PCDH15: variants seen among roughly 807,000 people sequenced by gnomAD.
The protein encoded by PCDH15 is protocadherin-15.
PCDH15 carries 129 observed loss-of-function variants against 178.5 expected under a neutral mutation model. The ratio of observed to expected loss-of-function variants is 0.72; its 90% confidence interval spans 0.63 to 0.84. The LOEUF is 0.84. Ranked by LOEUF, PCDH15 falls within the 40% of genes least tolerant of loss-of-function variation. The pLI is 0.00. For synonymous variants in PCDH15, 800 were observed against 732.0 expected, an observed-to-expected ratio of 1.09 and a Z score of -1.50; for missense variants, 2,230 against 2,099.9, an observed-to-expected ratio of 1.06 and a Z score of -1.21.
chr10:55,621,978 G>A (rs1206910526), intron 2 of PCDH15, among the ~76,000 whole-genome samples: 4 of 141,244 alleles, frequency 2.8e-5, no homozygotes, highest in Middle Eastern at 4.0e-3. Flanking sequence ...ATATACTCTC[G>A]TTCTCTCTCT....
chr10:54,847,355 C>G (rs949955632), intron 3 of PCDH15, among the ~76,000 whole-genome samples: 1 of 151,974 alleles, frequency 6.6e-6, no homozygotes, highest in Non-Finnish European at 1.5e-5. Context: ...TATACTGTAG[C>G]CTTAATATGT....
intron 2 of PCDH15, among the ~76,000 whole-genome samples, chr10:55,004,304 C>T (rs368462972): frequency 1.1e-4 from 16 of 152,228 alleles, no homozygotes; most frequent in Middle Eastern, 3.4e-3. Context: ...AGATTTCTCA[C>T]GATTGAGAAA....
At chr10:54,950,475 C>T (rs1376713097) in intron 2 of PCDH15, among the ~76,000 whole-genome samples, 1 of 152,036 alleles carries the variant, frequency 6.6e-6, no homozygotes, top group African/African-American at 2.4e-5. Context: ...CAAGCTCTCA[C>T]TTTGCCTGCT....
intron 3 of PCDH15, among the ~76,000 whole-genome samples, chr10:54,837,167 T>G (rs1425083004): frequency 6.6e-6 from 1 of 152,022 alleles, no homozygotes; most frequent in Non-Finnish European, 1.5e-5. Context: ...ATCTTGAAAG[T>G]TTTTCAAAGT....
intron 28 of PCDH15, among the ~76,000 whole-genome samples, chr10:53,852,237 T>G (rs1450232527): frequency 1.3e-5 from 2 of 152,058 alleles, no homozygotes; most frequent in African/African-American, 4.8e-5. Flanking sequence ...TAGTTACGTG[T>G]CCCTACTGTT....
chr10:54,115,178 T>C (rs2095092219), intron 15 of PCDH15, among the ~76,000 whole-genome samples: 1 of 152,084 alleles, frequency 6.6e-6, no homozygotes, highest in Admixed American at 6.5e-5. Flanking sequence ...CCAAATTTAT[T>C]GATTCATTGG....
intron 26 of PCDH15, among the ~76,000 whole-genome samples, chr10:53,897,258 T>C (rs1456723532): frequency 6.6e-6 from 1 of 152,148 alleles, no homozygotes; most frequent in Non-Finnish European, 1.5e-5. Flanking sequence ...ATCACTCCCA[T>C]ATTGTTGCAA....
At chr10:54,421,894 AC>A (rs1163704827) in intron 3 of PCDH15, among the ~76,000 whole-genome samples, 4 of 64,190 alleles carry the variant, frequency 6.2e-5, no homozygotes, top group African/African-American at 1.1e-4. Flanking sequence ...ACACACACAC[AC>A]TATATATATA....
At chr10:55,390,111 A>G (rs899681037) in intron 2 of PCDH15, among the ~76,000 whole-genome samples, 3 of 152,172 alleles carry the variant, frequency 2.0e-5, no homozygotes, top group Non-Finnish European at 2.9e-5. Flanking sequence ...TAAGCAAGTC[A>G]CATGAGTTTT....
intron 2 of PCDH15, among the ~76,000 whole-genome samples, chr10:55,510,917 G>C (rs1478365786): frequency 6.6e-6 from 1 of 151,178 alleles, no homozygotes; most frequent in Non-Finnish European, 1.5e-5. Context: ...CTGGAGTGCA[G>C]TGGAGTGATC....
chr10:54,346,312 C>T (rs1275758217), intron 6 of PCDH15, 53 bp downstream of exon 6: 2 of 1,556,834 alleles, frequency 1.3e-6, no homozygotes, highest in Non-Finnish European at 1.8e-6. Flanking sequence ...CTGAAAAAAT[C>T]ATTAATTTTA....
intron 1 of PCDH15, among the ~76,000 whole-genome samples, chr10:54,710,455 G>A (rs924427388): frequency 1.3e-5 from 2 of 151,946 alleles, no homozygotes; most frequent in African/African-American, 4.8e-5. Context: ...TCAAGACTAT[G>A]TTGCCCACCA....
intron 5 of PCDH15, among the ~76,000 whole-genome samples, chr10:54,348,398 G>A (rs1050602654): frequency 2.0e-5 from 3 of 152,124 alleles, no homozygotes; most frequent in East Asian, 1.9e-4. Context: ...TGAGGACATC[G>A]AGGGACCACT....
chr10:54,674,614 G>A (rs2094746889), intron 1 of PCDH15, among the ~76,000 whole-genome samples: 1 of 152,074 alleles, frequency 6.6e-6, no homozygotes, highest in South Asian at 2.1e-4. Context: ...CTGGCACAAT[G>A]TGAAGATGGA....
chr10:54,744,837 C>T (rs1932601), intron 1 of PCDH15, among the ~76,000 whole-genome samples: 134,789 of 152,120 alleles, frequency 0.89, 59,816 homozygotes, highest in East Asian at 1. Context: ...CAGCAATCCA[C>T]GTAAACAGAC....
In PCDH15 at chr10:55,289,734, A is replaced by T. The variant is rs75684675; in HGVS notation, c.-156+29865T>A. ...GTTTGAATGTATCCCCCAACAGTTC[A>T]TGTGTTGGAAACTTAATCACTATTG... On this transcript the variant is annotated intron_variant, in intron 1 of 5. Coordinates refer to the PCDH15 transcript ENST00000458638. Among the ~76,000 whole-genome samples the T allele has an allele frequency of 9.8e-3, 1,490 of 152,168 alleles. 21 individuals carry two copies. Among genetic ancestry groups the T allele is most frequent in the African/African-American group, 0.034 (1,421 of 41,536 alleles).
intron 3 of PCDH15, among the ~76,000 whole-genome samples, chr10:54,849,239 C>G (rs1043175818): frequency 1.3e-5 from 2 of 152,094 alleles, no homozygotes; most frequent in African/African-American, 4.8e-5. Context: ...TTGTCTTTAG[C>G]ATGCTGTTAA....
chr10:54,471,356 T>C (rs2077906264), intron 3 of PCDH15, among the ~76,000 whole-genome samples: 1 of 152,142 alleles, frequency 6.6e-6, no homozygotes, highest in Admixed American at 6.5e-5. Flanking sequence ...AAACTTGTGT[T>C]TTTTAACAGT....
chr10:53,972,435 A>T (rs1346127826), intron 21 of PCDH15, among the ~76,000 whole-genome samples: 1 of 152,194 alleles, frequency 6.6e-6, no homozygotes, highest in East Asian at 1.9e-4. Context: ...AAAATTGACA[A>T]ATTGGATCTA....
Sources: gnomAD v4.1 joint callset for allele counts (sites outside exome capture counted in the v4.1 genomes callset) on GRCh38, gnomAD v4.1.1 for gene constraint, MANE v1.5 for transcripts, NCBI Gene and HGNC (gene_info 2026-07-23, HGNC 2026-07-21) for gene names.